DCC: variants seen among roughly 807,000 people sequenced by gnomAD.
The protein encoded by DCC is DCC netrin 1 receptor.
Under a neutral mutation model 172.5 loss-of-function variants are expected in DCC, and 58 were observed. The observed-to-expected ratio is 0.34, with a 90% CI of 0.27 to 0.42. The LOEUF is 0.42. DCC is among the 10% of genes least tolerant of loss of function. The probability of loss-of-function intolerance (pLI) is 1.00; values close to 1 mark genes in which losing one functional copy is unlikely to be tolerated. For missense variants in DCC, 1,740 were observed against 1,791.0 expected, an observed-to-expected ratio of 0.97 and a Z score of 0.51; for synonymous variants, 709 against 644.5, an observed-to-expected ratio of 1.10 and a Z score of -1.52.
chr18:53,358,910 T>C (rs1358097308), intron 15 of DCC, among the ~76,000 whole-genome samples: 1 of 152,194 alleles, frequency 6.6e-6, no homozygotes, highest in Non-Finnish European at 1.5e-5. Flanking sequence ...TGTGGTCACA[T>C]AGTTTCTATA....
chr18:52,702,977 C>T (rs1193634499), intron 1 of DCC, among the ~76,000 whole-genome samples: 2 of 152,060 alleles, frequency 1.3e-5, no homozygotes, highest in African/African-American at 2.4e-5. Context: ...TAGTGAAAAT[C>T]AAGGTTCTGA....
intron 1 of DCC, among the ~76,000 whole-genome samples, chr18:52,479,582 C>CA (rs768711868): frequency 2.4e-3 from 10 of 4,124 alleles, no homozygotes; most frequent in African/African-American, 2.8e-3. Flanking sequence ...CTCCCTCCAC[C>CA]CCCCCCCCGT....
chr18:52,879,374 C>CA (rs1194231336), intron 2 of DCC, among the ~76,000 whole-genome samples: 19 of 144,366 alleles, frequency 1.3e-4, no homozygotes, highest in African/African-American at 4.9e-4. Context: ...ATATGTTAAC[C>CA]AACTATACAT....
At chr18:52,609,984 G>C (rs575843666) in intron 1 of DCC, among the ~76,000 whole-genome samples, 2 of 150,656 alleles carry the variant, frequency 1.3e-5, no homozygotes, top group South Asian at 4.2e-4. Context: ...GTTTCTAAAA[G>C]AAATATTAAC....
chr18:52,450,771 G>A (rs1195653770), intron 1 of DCC, among the ~76,000 whole-genome samples: 4 of 152,104 alleles, frequency 2.6e-5, no homozygotes, highest in Non-Finnish European at 4.4e-5. Context: ...AATGAACCAT[G>A]TAAAATACTT....
At chr18:52,904,630 C>T (rs1041693939) in intron 2 of DCC, among the ~76,000 whole-genome samples, 6 of 152,124 alleles carry the variant, frequency 3.9e-5, no homozygotes, top group African/African-American at 1.4e-4. Flanking sequence ...ATTAATGAGA[C>T]AATCAAGCTT....
At chr18:52,513,240 T>C (rs1244928732) in intron 1 of DCC, among the ~76,000 whole-genome samples, 1 of 152,208 alleles carries the variant, frequency 6.6e-6, no homozygotes, top group Non-Finnish European at 1.5e-5. Flanking sequence ...ACAAACACCT[T>C]ACATTTACCA....
chr18:53,371,549 G>C (rs983092251), intron 15 of DCC, among the ~76,000 whole-genome samples: 14 of 151,874 alleles, frequency 9.2e-5, no homozygotes, highest in Non-Finnish European at 1.0e-4. Context: ...GGTTCTTGCA[G>C]GTTTTTAAAA....
intron 5 of DCC, among the ~76,000 whole-genome samples, chr18:52,954,542 G>C (rs754048321): frequency 3.9e-5 from 6 of 152,080 alleles, no homozygotes; most frequent in Non-Finnish European, 8.8e-5. Context: ...TGGGTCTTAG[G>C]AATACCCTCA....
intron 2 of DCC, among the ~76,000 whole-genome samples, chr18:52,806,267 G>A (rs1015982477): frequency 2.6e-5 from 4 of 152,104 alleles, no homozygotes; most frequent in African/African-American, 4.8e-5. Context: ...CCTCGCTCCC[G>A]TCAACATCCC....
intron 1 of DCC, among the ~76,000 whole-genome samples, chr18:52,420,709 C>G (rs1568162430): frequency 6.6e-6 from 1 of 151,620 alleles, no homozygotes; most frequent in African/African-American, 2.4e-5. Flanking sequence ...TAAAGCAGGT[C>G]TTGAAAGATG....
At chr18:52,646,171 C>A (rs1247314495) in intron 1 of DCC, among the ~76,000 whole-genome samples, 1 of 152,162 alleles carries the variant, frequency 6.6e-6, no homozygotes, top group Non-Finnish European at 1.5e-5. Context: ...CACGGAGTAA[C>A]CCTGCATGCA....
At chr18:52,491,590 T>A (rs1473818095) in intron 1 of DCC, among the ~76,000 whole-genome samples, 1 of 152,126 alleles carries the variant, frequency 6.6e-6, no homozygotes, top group Non-Finnish European at 1.5e-5. Flanking sequence ...CCAGAGAGCA[T>A]TGAAGAAGGC....
intron 2 of DCC, among the ~76,000 whole-genome samples, chr18:52,830,451 T>C (rs754463114): frequency 1.3e-5 from 2 of 152,158 alleles, no homozygotes; most frequent in Non-Finnish European, 2.9e-5. Context: ...GAAATGGATG[T>C]CTTACTATTT....
At chr18:52,405,677 C>G (rs1212094038) in intron 1 of DCC, among the ~76,000 whole-genome samples, 1 of 151,510 alleles carries the variant, frequency 6.6e-6, no homozygotes, top group African/African-American at 2.4e-5. Flanking sequence ...AAAGAGGATA[C>G]AAACAAATGG....
chr18:52,662,966 C>A (rs1488197060), intron 1 of DCC, among the ~76,000 whole-genome samples: 1 of 152,124 alleles, frequency 6.6e-6, no homozygotes, highest in East Asian at 1.9e-4. Flanking sequence ...GCTCCCTAAA[C>A]ACCCTGGGGA....
In DCC at chr18:52,430,652, C is replaced by T. The variant is rs116136261; in HGVS notation, c.91+89774C>T. ...CATACATACAAATGACAAAGAGGAG[C>T]TGTGCAAAACCGCTGTGGAATAAGC... On this transcript the variant is annotated intron_variant, in intron 1 of 28. Transcript: ENST00000442544. Among the ~76,000 whole-genome samples the T allele has an allele frequency of 4.9e-3, 752 of 152,196 alleles. 7 individuals are homozygous for T. Among genetic ancestry groups the T allele is most frequent in the African/African-American group, 0.017 (723 of 41,518 alleles).
intron 1 of DCC, among the ~76,000 whole-genome samples, chr18:52,647,202 A>G (rs2035035353): frequency 6.6e-6 from 1 of 152,168 alleles, no homozygotes; most frequent in Non-Finnish European, 1.5e-5. Flanking sequence ...AAGGCCAGAC[A>G]CTGTTTTCTT....
intron 23 of DCC, among the ~76,000 whole-genome samples, chr18:53,458,197 A>G (rs2045506707): frequency 6.6e-6 from 1 of 152,214 alleles, no homozygotes; most frequent in African/African-American, 2.4e-5. Context: ...AAGAGACATT[A>G]TTTTTAAAGA....
Sources: allele counts gnomAD v4.1 joint callset (sites outside exome capture counted in the v4.1 genomes callset), GRCh38; gene constraint gnomAD v4.1.1; transcripts MANE v1.5; gene names NCBI Gene and HGNC (gene_info 2026-07-23, HGNC 2026-07-21).